The following WWOX variants were observed in gnomAD, a reference collection of about 807,000 sequenced individuals.
WWOX encodes the protein WW domain containing oxidoreductase.
In WWOX, 69 loss-of-function variants were observed where a neutral mutation model predicts 46.2. The ratio of observed to expected loss-of-function variants is 1.49; its 90% CI spans 1.23 to 1.82. The LOEUF is 1.82. WWOX is among the 40% of genes most tolerant of loss of function. The pLI, the probability that WWOX is intolerant of heterozygous loss-of-function variation, is 0.00. For synonymous variants in WWOX, 359 were observed against 202.6 expected (o/e 1.77, Z -6.56); for missense variants, 919 against 542.6 (o/e 1.69, Z -6.89).
intron 5 of WWOX, among the ~76,000 whole-genome samples, chr16:78,354,687 A>T (rs941611263): frequency 7.0e-6 from 1 of 142,260 alleles, no homozygotes; most frequent in Non-Finnish European, 1.5e-5. Context: ...CAATGTAAGA[A>T]TATTCTTAAA....
chr16:78,425,459 A>G (rs939275315), intron 7 of WWOX, among the ~76,000 whole-genome samples: 22 of 152,240 alleles, frequency 1.4e-4, no homozygotes, highest in Non-Finnish European at 1.5e-4. Flanking sequence ...AAATTGTTTT[A>G]TAATGAGAAA....
At chr16:78,654,070 A>T (rs946500767) in intron 8 of WWOX, among the ~76,000 whole-genome samples, 1 of 152,230 alleles carries the variant, frequency 6.6e-6, no homozygotes, top group Non-Finnish European at 1.5e-5. Flanking sequence ...ATTGCTACTT[A>T]AAGCAAAATG....
chr16:78,570,052 AG>A (rs1456752552), intron 8 of WWOX, among the ~76,000 whole-genome samples: 1 of 152,248 alleles, frequency 6.6e-6, no homozygotes, highest in Non-Finnish European at 1.5e-5. Flanking sequence ...ATAAATATAA[AG>A]AAAATACAGT....
chr16:78,553,623 T>G (rs748850835), intron 8 of WWOX, among the ~76,000 whole-genome samples: 12 of 152,094 alleles, frequency 7.9e-5, no homozygotes, highest in Non-Finnish European at 1.6e-4. Flanking sequence ...AAGTGAGCAG[T>G]ATGGCGCCCT....
chr16:78,422,530 T>G (rs1742544246), intron 6 of WWOX, among the ~76,000 whole-genome samples: 1 of 149,986 alleles, frequency 6.7e-6, no homozygotes. Flanking sequence ...TGGTTGTTGT[T>G]GAGATGGGGT....
chr16:78,989,302 A>G (rs1291916277), intron 8 of WWOX, among the ~76,000 whole-genome samples: 2 of 152,210 alleles, frequency 1.3e-5, no homozygotes, highest in Non-Finnish European at 2.9e-5. Flanking sequence ...TTAGTTCAAT[A>G]TCAAGAGCTA....
chr16:78,590,146 G>GTCTCTGTCTCTC (rs1555569770), intron 8 of WWOX, among the ~76,000 whole-genome samples: 11 of 149,618 alleles, frequency 7.4e-5, no homozygotes, highest in African/African-American at 7.4e-5. Flanking sequence ...TAGGCATTCA[G>GTCTCTGTCTCTC]TCTCTCTCTC....
intron 8 of WWOX, among the ~76,000 whole-genome samples, chr16:79,139,847 G>C (rs140946987): frequency 2.5e-4 from 38 of 152,280 alleles, no homozygotes; most frequent in African/African-American, 9.1e-4. Flanking sequence ...TACTAAAACT[G>C]ATACTAATTC....
At chr16:78,464,528 C>T (rs1042139902) in intron 8 of WWOX, among the ~76,000 whole-genome samples, 3 of 152,104 alleles carry the variant, frequency 2.0e-5, no homozygotes, top group African/African-American at 7.2e-5. Flanking sequence ...GCCATATTTC[C>T]TTGAATCTTC....
chr16:78,335,794 G>C (rs910375267), intron 5 of WWOX, among the ~76,000 whole-genome samples: 1 of 152,060 alleles, frequency 6.6e-6, no homozygotes, highest in Non-Finnish European at 1.5e-5. Flanking sequence ...CAAAACTTGC[G>C]TTTCTAAAAG....
At chr16:78,641,849 C>A (rs1350813125) in intron 8 of WWOX, among the ~76,000 whole-genome samples, 1 of 152,090 alleles carries the variant, frequency 6.6e-6, no homozygotes. Context: ...AATTTCAGTT[C>A]AATACTTAAA....
Position 78,507,869 on chromosome 16 carries a change from C to G in WWOX, c.1056+75117C>G, listed in dbSNP as rs555875663. Reference sequence around the variant, plus strand: ...CTTGTCCAACCCATGGCCCCCGGGTCGCATGTGGCCCAGGACAGCTTTGAA... The same window carrying G: ...CTTGTCCAACCCATGGCCCCCGGGTGGCATGTGGCCCAGGACAGCTTTGAA... On this transcript the variant is annotated intron_variant, in intron 8 of 8. Transcript: ENST00000566780. Among the ~76,000 whole-genome samples the G allele has an allele frequency of 3.3e-5, 5 of 152,194 alleles. No homozygotes were observed. In the South Asian group the frequency reaches 1.0e-3, roughly 32 times the overall value.
chr16:78,456,086 G>T (rs894626488), intron 8 of WWOX, among the ~76,000 whole-genome samples: 1 of 152,188 alleles, frequency 6.6e-6, no homozygotes, highest in Non-Finnish European at 1.5e-5. Context: ...TGTAACTAAA[G>T]GGGGTGGAGG....
At chr16:78,727,869 C>G (rs902586920) in intron 8 of WWOX, among the ~76,000 whole-genome samples, 1 of 151,924 alleles carries the variant, frequency 6.6e-6, no homozygotes, top group African/African-American at 2.4e-5. Flanking sequence ...TATCAGGACT[C>G]TAAACTCTTA....
chr16:78,365,460 A>G lies in WWOX; in HGVS notation c.517-21400A>G, dbSNP rs111519488. ...TCCCACCAATAAACTGTGGTTCCCA[A>G]CAAGGCTTGCAACTGAATCTGGGCA... On this transcript the variant is annotated intron_variant, in intron 5 of 8. Transcript: ENST00000566780. Among the ~76,000 whole-genome samples, 13 of 152,324 alleles carry G rather than the reference A, an allele frequency of 8.5e-5. 1 individual carries two copies. The highest frequency in any genetic ancestry group is 2.9e-4 in the African/African-American group (12 of 41,568).
chr16:78,939,487 G>A (rs951058375), intron 8 of WWOX, among the ~76,000 whole-genome samples: 4 of 152,148 alleles, frequency 2.6e-5, no homozygotes, highest in African/African-American at 9.7e-5. Flanking sequence ...TTTGAGAAAT[G>A]GCCAAAAGTT....
intron 5 of WWOX, among the ~76,000 whole-genome samples, chr16:78,180,290 A>G (rs1157542492): frequency 1.3e-5 from 2 of 152,230 alleles, no homozygotes; most frequent in Admixed American, 6.5e-5. Flanking sequence ...TTTGAGGGAC[A>G]GAAACCTGGG....
At chr16:79,207,591 A>C (rs1338917012) in intron 8 of WWOX, among the ~76,000 whole-genome samples, 3 of 152,192 alleles carry the variant, frequency 2.0e-5, no homozygotes, top group Admixed American at 6.5e-5. Flanking sequence ...GAATATATAG[A>C]TATGCCATGA....
At chr16:78,581,973 C>G (rs2045067558) in intron 8 of WWOX, among the ~76,000 whole-genome samples, 1 of 152,122 alleles carries the variant, frequency 6.6e-6, no homozygotes, top group Non-Finnish European at 1.5e-5. Flanking sequence ...ACAAATATGT[C>G]AGGTATAACT....
Sources: allele counts gnomAD v4.1 joint callset (sites outside exome capture counted in the v4.1 genomes callset), GRCh38; gene constraint gnomAD v4.1.1; transcripts MANE v1.5; gene names NCBI Gene and HGNC (gene_info 2026-07-23, HGNC 2026-07-21).